The following AGMO variants were observed in gnomAD, a reference collection of about 807,000 sequenced individuals.
AGMO encodes alkylglycerol monooxygenase.
In AGMO, 75 loss-of-function variants were observed where a neutral mutation model predicts 60.2. That is an observed-to-expected ratio of 1.25 (90% CI 1.03 to 1.51). The LOEUF (loss-of-function observed/expected upper bound fraction) is 1.51. Among genes scored for constraint, AGMO ranks in the 40% most tolerant of loss-of-function variants. AGMO has a pLI of 0.00. For synonymous variants in AGMO, 261 were observed against 177.1 expected (o/e 1.47, Z -3.76); for missense variants, 763 against 525.5 (o/e 1.45, Z -4.42).
At chr7:15,138,542 C>T in the AGMO span, among the ~76,000 whole-genome samples, 72,593 of 151,936 alleles carry the variant, frequency 0.48, 17,511 homozygotes, top group East Asian at 0.66. Context: ...AAATATCCTG[C>T]CCAAAAATAC....
chr7:15,323,800 C>G (rs962412311), intron 12 of AGMO, among the ~76,000 whole-genome samples: 8 of 152,154 alleles, frequency 5.3e-5, no homozygotes, highest in Admixed American at 1.3e-4. Context: ...TCATGACTTT[C>G]TAATCATTTT....
rs1424164287 is a variant in AGMO, at chr7:15,430,950, C to T, written c.513+55G>A. The T allele has an allele frequency of 4.0e-6, 3 of 752,634 alleles. No homozygotes were observed. In the East Asian group the frequency reaches 9.8e-5, roughly 25 times the overall value. 46.6% of individuals were successfully genotyped at this position (752,634 alleles called of 1,614,324 possible). On this transcript the variant is annotated intron_variant, in intron 4 of 12. Transcript: ENST00000342526. ...TTTTTTTTTGAGGAAATAGAAATAG[C>T]TGAGACTTAAAAACAAATTAGATTA...
chr7:15,542,640 T>C (rs1490024534), intron 3 of AGMO, among the ~76,000 whole-genome samples: 5 of 152,206 alleles, frequency 3.3e-5, no homozygotes, highest in Non-Finnish European at 2.9e-5. Context: ...CACCCCTTTG[T>C]TGCATAGAAA....
At chr7:15,499,904 T>TACACACACACAC (rs1347113008) in intron 3 of AGMO, among the ~76,000 whole-genome samples, 2 of 71,500 alleles carry the variant, frequency 2.8e-5, no homozygotes, top group African/African-American at 8.8e-5. Context: ...TTATATGTAT[T>TACACACACACAC]ACGCACACAC....
At chr7:15,245,834 T>C (rs569459170) in intron 12 of AGMO, among the ~76,000 whole-genome samples, 9 of 152,098 alleles carry the variant, frequency 5.9e-5, no homozygotes, top group Non-Finnish European at 1.2e-4. Flanking sequence ...AAACCAAAGA[T>C]TAAAGGAATA....
chr7:15,158,687 C>G, the AGMO span, among the ~76,000 whole-genome samples: 1 of 152,138 alleles, frequency 6.6e-6, no homozygotes, highest in Non-Finnish European at 1.5e-5. Flanking sequence ...AAAGCAGAAT[C>G]GTTCAGTCTG....
intron 3 of AGMO, among the ~76,000 whole-genome samples, chr7:15,432,935 T>C (rs1781296251): frequency 6.6e-6 from 1 of 151,986 alleles, no homozygotes; most frequent in Non-Finnish European, 1.5e-5. Context: ...AGGTAATAAA[T>C]TTGATGAATC....
At chr7:15,489,093 A>C (rs535839704) in intron 3 of AGMO, among the ~76,000 whole-genome samples, 1 of 152,288 alleles carries the variant, frequency 6.6e-6, no homozygotes, top group South Asian at 2.1e-4. Flanking sequence ...CTGCCATAAA[A>C]ACATGAACTC....
the AGMO span, among the ~76,000 whole-genome samples, chr7:15,177,576 C>G: frequency 0.2 from 30,878 of 152,012 alleles, 3,288 homozygotes; most frequent in South Asian, 0.32. Flanking sequence ...ACATTTGTTA[C>G]CCAGTACACC....
rs201776575 is a variant in AGMO at position 15,300,505 on chromosome 7, G to GA, written c.1263+65008dup. Among the ~76,000 whole-genome samples, 1,184 of 149,794 alleles carry GA rather than the reference G, an allele frequency of 7.9e-3. 5 individuals carry two copies. Among genetic ancestry groups the GA allele is most frequent in the Non-Finnish European group, 0.013 (861 of 67,318 alleles). ...TTATTTAATTAAGGTGAAGAAAACTGAAAAAAAAATCAAGAAAATGCTTGC... is the reference window on the plus strand; with the variant it reads ...TTATTTAATTAAGGTGAAGAAAACTGAAAAAAAAAATCAAGAAAATGCTTGC... On this transcript the variant is annotated intron_variant, in intron 12 of 12. Transcript: ENST00000342526.
intron 5 of AGMO, among the ~76,000 whole-genome samples, chr7:15,406,886 C>A (rs1349617676): frequency 9.5e-6 from 1 of 105,576 alleles, no homozygotes; most frequent in East Asian, 2.4e-4. Context: ...GGTGCCAGTT[C>A]AGGTCAGAAG....
chr7:15,531,090 A>C (rs369298979), intron 3 of AGMO, among the ~76,000 whole-genome samples: 1 of 63,008 alleles, frequency 1.6e-5, no homozygotes, highest in Non-Finnish European at 2.8e-5. Context: ...TTCTATATAT[A>C]TATTCTATAT....
At chr7:15,561,583 C>A in intron 1 of AGMO, 137 bp downstream of exon 1, 1 of 926,908 alleles carries the variant, frequency 1.1e-6, no homozygotes, top group Non-Finnish European at 1.5e-6. Flanking sequence ...TGCTTCACGC[C>A]TTTAAGAAAC....
chr7:15,281,459 G>A (rs576857977), intron 12 of AGMO, among the ~76,000 whole-genome samples: 2 of 152,158 alleles, frequency 1.3e-5, no homozygotes, highest in East Asian at 3.9e-4. Flanking sequence ...CTCTCTACTT[G>A]GAAAATCAAC....
intron 12 of AGMO, 135 bp downstream of exon 12, chr7:15,365,379 G>GAAAAAAAAAAAAAAAAA (rs1782929826): frequency 1.8e-5 from 4 of 217,784 alleles, no homozygotes; most frequent in Non-Finnish European, 2.9e-5. Context: ...GTACTGGTAA[G>GAAAAAAAAAAAAAAAAA]TAAAAAAAAA....
At chr7:15,560,813 G>T (rs115998438) in intron 1 of AGMO, among the ~76,000 whole-genome samples, 2,492 of 152,132 alleles carry the variant, frequency 0.016, 72 homozygotes, top group African/African-American at 0.056. Flanking sequence ...TATTCATTTG[G>T]TTTTGATTTT....
At chr7:15,329,255 C>A (rs145322835) in intron 12 of AGMO, among the ~76,000 whole-genome samples, 23 of 152,174 alleles carry the variant, frequency 1.5e-4, no homozygotes, top group African/African-American at 4.6e-4. Flanking sequence ...TACTAAATAC[C>A]CAAGACAATT....
the AGMO span, among the ~76,000 whole-genome samples, chr7:15,118,173 A>AACACACAC: frequency 2.3e-3 from 338 of 144,682 alleles, 1 homozygote; most frequent in African/African-American, 7.2e-3. Context: ...ACTAAAGAGA[A>AACACACAC]ACACACACAC....
At chr7:15,248,612 C>T (rs1007602692) in intron 12 of AGMO, among the ~76,000 whole-genome samples, 1 of 151,998 alleles carries the variant, frequency 6.6e-6, no homozygotes, top group South Asian at 2.1e-4. Context: ...TGAGTGATGC[C>T]CACAATTAAT....
Sources: allele counts gnomAD v4.1 joint callset (sites outside exome capture counted in the v4.1 genomes callset), GRCh38; gene constraint gnomAD v4.1.1; transcripts MANE v1.5; gene names NCBI Gene and HGNC (gene_info 2026-07-23, HGNC 2026-07-21).